The following WWC1 variants were observed in gnomAD, a reference collection of about 807,000 sequenced individuals.
The protein encoded by WWC1 is WW and C2 domain containing 1.
In WWC1, 55 loss-of-function variants were observed where a neutral mutation model predicts 138.4. That is an observed-to-expected ratio of 0.40 (90% CI 0.32 to 0.50). WWC1 has a LOEUF of 0.50. Among genes scored for constraint, WWC1 ranks in the 20% least tolerant of loss-of-function variants. WWC1 has a pLI of 0.72. For missense variants in WWC1, 1,226 were observed against 1,420.4 expected (o/e 0.86, Z 2.20); for synonymous variants, 524 against 564.9 (o/e 0.93, Z 1.03).
intron 1 of WWC1, among the ~76,000 whole-genome samples, chr5:168,315,346 G>T (rs1288379580): frequency 2.0e-5 from 3 of 151,952 alleles, no homozygotes; most frequent in African/African-American, 4.8e-5. Flanking sequence ...ATTTTTATAT[G>T]CTACCCAGAT....
intron 1 of WWC1, among the ~76,000 whole-genome samples, chr5:168,299,280 T>G (rs778087587): frequency 6.6e-6 from 1 of 152,174 alleles, no homozygotes; most frequent in Non-Finnish European, 1.5e-5. Context: ...CCATTTATTC[T>G]TAAAATGGGT....
chr5:168,334,282 C>T (rs184048214), intron 1 of WWC1, among the ~76,000 whole-genome samples: 23 of 152,124 alleles, frequency 1.5e-4, no homozygotes, highest in African/African-American at 4.1e-4. Context: ...GCTCACAGGA[C>T]ACTCAACAAC....
chr5:168,421,708 C>G (rs747819594), intron 9 of WWC1, among the ~76,000 whole-genome samples: 22 of 152,236 alleles, frequency 1.4e-4, no homozygotes, highest in Non-Finnish European at 2.5e-4. Context: ...ACTCTAAGGG[C>G]CTCGATTTCC....
At chr5:168,370,239 A>C (rs1776649263) in intron 1 of WWC1, among the ~76,000 whole-genome samples, 1 of 152,300 alleles carries the variant, frequency 6.6e-6, no homozygotes, top group South Asian at 2.1e-4. Flanking sequence ...TGTGCTGGAC[A>C]CAGGATTCTG....
At chr5:168,337,986 G>A (rs1186239554) in intron 1 of WWC1, among the ~76,000 whole-genome samples, 1 of 152,162 alleles carries the variant, frequency 6.6e-6, no homozygotes, top group Non-Finnish European at 1.5e-5. Flanking sequence ...GGAGGCTGGA[G>A]GGCTGGGCAA....
intron 1 of WWC1, among the ~76,000 whole-genome samples, chr5:168,362,485 G>A (rs908884876): frequency 2.0e-5 from 3 of 152,202 alleles, no homozygotes; most frequent in Non-Finnish European, 4.4e-5. Flanking sequence ...ACATTAGAAA[G>A]CAATGGGGAC....
At chr5:168,464,048 G>C (rs141234212) in intron 20 of WWC1, among the ~76,000 whole-genome samples, 169 of 152,248 alleles carry the variant, frequency 1.1e-3, no homozygotes, top group Non-Finnish European at 2.1e-3. Flanking sequence ...CTGAGATGCA[G>C]ACTGGCCAGG....
intron 1 of WWC1, among the ~76,000 whole-genome samples, chr5:168,306,397 A>C (rs988849881): frequency 2.6e-5 from 4 of 152,166 alleles, no homozygotes; most frequent in African/African-American, 7.2e-5. Context: ...CTCCATCTTA[A>C]AAAATAAAAA....
chr5:168,337,336 C>A (rs1006471295), intron 1 of WWC1, among the ~76,000 whole-genome samples: 1 of 34,808 alleles, frequency 2.9e-5, no homozygotes. Context: ...TCAAAAGCTC[C>A]ATCGGTGTAA....
chr5:168,467,937 A>G lies in WWC1; in HGVS notation c.3248A>G (p.Lys1083Arg). The change falls in exon 22 of 23, where the codon AAG becomes AGG. Residue 1083 changes from lysine (K) to arginine (R), a missense_variant. By Grantham distance (26) the Lys-to-Arg change is conservative. This residue lies in a region of WWC1 where 206 missense variants were observed against 247.4 expected (regional missense o/e 0.83). Transcript: ENST00000265293. ...DVHRLRGQSC[K>R]EPPEVQSFRE... ...CACAGGCTCCGAGGCCAGAGCTGTAAGGAACCCCCAGAAGTTCAGTCTTTC... is the reference window on the plus strand; with the variant it reads ...CACAGGCTCCGAGGCCAGAGCTGTAGGGAACCCCCAGAAGTTCAGTCTTTC... The G allele has an allele frequency of 6.2e-7, 1 of 1,614,258 alleles. No individual in the cohort carries two copies. The highest frequency in any genetic ancestry group is 8.5e-7 in the Non-Finnish European group (1 of 1,180,040).
chr5:168,397,635 T>A, intron 3 of WWC1, 89 bp from the exon 4 acceptor site: 1 of 1,378,834 alleles, frequency 7.3e-7, no homozygotes, highest in Non-Finnish European at 1.0e-6. Context: ...AGTCCTTCCC[T>A]TTCTAGGTTT....
intron 2 of WWC1, among the ~76,000 whole-genome samples, chr5:168,375,376 G>A (rs763098308): frequency 3.1e-4 from 47 of 152,016 alleles, no homozygotes; most frequent in Non-Finnish European, 5.4e-4. Flanking sequence ...CGACAGTGTC[G>A]AAGGCTTCTG....
chr5:168,332,787 TA>T (rs1334672176), intron 1 of WWC1, among the ~76,000 whole-genome samples: 4 of 152,004 alleles, frequency 2.6e-5, no homozygotes, highest in Non-Finnish European at 5.9e-5. Flanking sequence ...CAGCTCACTG[TA>T]ACCTCTGCTT....
chr5:168,449,402 C>T (rs1382433612), intron 17 of WWC1, among the ~76,000 whole-genome samples: 2 of 152,094 alleles, frequency 1.3e-5, no homozygotes, highest in East Asian at 1.9e-4. Context: ...AGGCCTCTGC[C>T]GCTCACTTTT....
At chr5:168,319,048 AG>A (rs1382192701) in intron 1 of WWC1, among the ~76,000 whole-genome samples, 2 of 152,214 alleles carry the variant, frequency 1.3e-5, no homozygotes, top group African/African-American at 4.8e-5. Context: ...CTTGTTAATC[AG>A]TTCATCTGTT....
chr5:168,341,118 C>A (rs1025410291), intron 1 of WWC1, among the ~76,000 whole-genome samples: 1 of 152,108 alleles, frequency 6.6e-6, no homozygotes, highest in African/African-American at 2.4e-5. Context: ...GCGCAATAAT[C>A]GAAGACACGG....
rs1769154305 is a variant in WWC1 at position 168,292,572 on chromosome 5, C to G, written c.119+301C>G. Among the ~76,000 whole-genome samples the G allele has an allele frequency of 6.6e-6, 1 of 151,962 alleles. No homozygotes were observed. Among genetic ancestry groups the G allele is most frequent in the Admixed American group, 6.5e-5 (1 of 15,270 alleles). On this transcript the variant is annotated intron_variant, in intron 1 of 22. Coordinates refer to ENST00000265293, the MANE Select transcript of WWC1 (RefSeq NM_015238.3). This position sits in a 1 kb window ranked among gnomAD's most constrained non-coding sequence, Gnocchi z 4.4. ...GTTTTGACCTTAAGCTCTAGCCCCG[C>G]CCGCCCCCTTTAGGAAGAGAGGTCG...
At chr5:168,305,128 ATTTTT>A (rs35062575) in intron 1 of WWC1, among the ~76,000 whole-genome samples, 16 of 136,278 alleles carry the variant, frequency 1.2e-4, no homozygotes, top group Admixed American at 8.0e-4. Context: ...CTGGCCCAGT[ATTTTT>A]TTTTTTTTTT....
At chr5:168,341,322 C>T (rs1339002153) in intron 1 of WWC1, among the ~76,000 whole-genome samples, 1 of 152,118 alleles carries the variant, frequency 6.6e-6, no homozygotes, top group Admixed American at 6.6e-5. Flanking sequence ...AGGAAAGCAG[C>T]AGCTTTAAAG....
Sources: gnomAD v4.1 joint callset for allele counts (sites outside exome capture counted in the v4.1 genomes callset) on GRCh38, gnomAD v4.1.1 for gene constraint, gnomAD v4.1.1 regional missense constraint, Gnocchi (gnomAD v3.1) non-coding constraint, MANE v1.5 for transcripts, NCBI Gene and HGNC (gene_info 2026-07-23, HGNC 2026-07-21) for gene names.